The following SLC28A3 variants were observed in gnomAD, a reference collection of about 807,000 sequenced individuals.
SLC28A3 encodes concentrative Na(+)-nucleoside cotransporter 3.
Under a neutral mutation model 84.2 loss-of-function variants are expected in SLC28A3, and 68 were observed. That is an observed-to-expected ratio of 0.81 (90% confidence interval 0.66 to 0.99). The LOEUF (loss-of-function observed/expected upper bound fraction) is 0.99, where lower values mean the gene tolerates loss of function less well. SLC28A3 is among the 50% of genes least tolerant of loss of function. The probability of loss-of-function intolerance (pLI) is 0.00; values close to 1 mark genes in which losing one functional copy is unlikely to be tolerated. For synonymous variants in SLC28A3, 267 were observed against 303.6 expected (o/e 0.88, Z 1.25); for missense variants, 712 against 841.5 (o/e 0.85, Z 1.90).
At chr9:84,313,904 A>C (rs552346562) in intron 1 of SLC28A3, among the ~76,000 whole-genome samples, 20 of 140,982 alleles carry the variant, frequency 1.4e-4, no homozygotes, top group Non-Finnish European at 2.1e-4. Context: ...AAAGTAAAGA[A>C]AAGAAACATA....
At chr9:84,281,563 G>GA (rs1824750395) in intron 14 of SLC28A3, among the ~76,000 whole-genome samples, 1 of 152,206 alleles carries the variant, frequency 6.6e-6, no homozygotes, top group African/African-American at 2.4e-5. Flanking sequence ...GTCTGTTTGT[G>GA]AAACAGTATG....
At chr9:84,339,175 G>A (rs566621517) in intron 1 of SLC28A3, among the ~76,000 whole-genome samples, 2 of 152,082 alleles carry the variant, frequency 1.3e-5, no homozygotes, top group East Asian at 3.9e-4. Context: ...TGTTTTAATG[G>A]TATATAAGCT....
chr9:84,320,040 G>GTT (rs1182939298), intron 1 of SLC28A3, among the ~76,000 whole-genome samples: 1,745 of 59,552 alleles, frequency 0.029, 456 homozygotes, highest in Non-Finnish European at 0.036. Flanking sequence ...GGCTTGCACT[G>GTT]TTTTTTTTTT....
chr9:84,330,138 A>G (rs557644028), intron 1 of SLC28A3, among the ~76,000 whole-genome samples: 1 of 152,210 alleles, frequency 6.6e-6, no homozygotes, highest in East Asian at 1.9e-4. Context: ...ATGAAACCAA[A>G]AGTTGGTTCT....
chr9:84,278,939 A>T (rs950921470), intron 17 of SLC28A3, among the ~76,000 whole-genome samples: 4 of 150,542 alleles, frequency 2.7e-5, no homozygotes, highest in African/African-American at 1.0e-4. Flanking sequence ...TAAGTGAGCT[A>T]ATTCATACAA....
intron 1 of SLC28A3, among the ~76,000 whole-genome samples, chr9:84,326,993 G>A (rs896729453): frequency 6.6e-6 from 1 of 152,084 alleles, no homozygotes; most frequent in Non-Finnish European, 1.5e-5. Context: ...GGGTGACAGA[G>A]CAAGATTCTG....
chr9:84,306,700 C>T (rs10868142), intron 3 of SLC28A3, among the ~76,000 whole-genome samples: 31,273 of 151,834 alleles, frequency 0.21, 3,429 homozygotes, highest in African/African-American at 0.29. Context: ...ATGAGCCATA[C>T]AGCACTATGA....
At chr9:84,331,150 G>A (rs1278863507) in intron 1 of SLC28A3, among the ~76,000 whole-genome samples, 1 of 152,132 alleles carries the variant, frequency 6.6e-6, no homozygotes, top group Admixed American at 6.5e-5. Context: ...AAGTCTAGGT[G>A]TGATCATGCA....
intron 1 of SLC28A3, among the ~76,000 whole-genome samples, chr9:84,324,762 G>A (rs933574471): frequency 2.0e-5 from 3 of 152,186 alleles, no homozygotes; most frequent in East Asian, 1.9e-4. Flanking sequence ...ATCTTCATAG[G>A]TTGTGCTGTT....
At chr9:84,345,236 G>T (rs1161655711), upstream of SLC28A3, among the ~76,000 whole-genome samples, 1 of 105,828 alleles carries the variant, frequency 9.4e-6, no homozygotes, top group Non-Finnish European at 1.8e-5. Context: ...GTTACCAAAG[G>T]CAAAAAAAAA....
chr9:84,288,890 T>A (rs1335019780), intron 11 of SLC28A3, among the ~76,000 whole-genome samples: 1 of 151,798 alleles, frequency 6.6e-6, no homozygotes, highest in Admixed American at 6.6e-5. Flanking sequence ...GGATGGGGAG[T>A]GGAGAAGGGA....
At chr9:84,302,536 C>T in intron 4 of SLC28A3, 147 bp from the exon 5 acceptor site, 1 of 718,394 alleles carries the variant, frequency 1.4e-6, no homozygotes. Flanking sequence ...TGGCTACTGG[C>T]TTCTTTGATG....
upstream of SLC28A3, among the ~76,000 whole-genome samples, chr9:84,342,858 A>G (rs1316118143): frequency 6.6e-6 from 1 of 152,176 alleles, no homozygotes; most frequent in Non-Finnish European, 1.5e-5. Context: ...TCAGGAACAA[A>G]ATTCCTTTAA....
At chr9:84,342,280 ATTTACT>A (rs1199841470), upstream of SLC28A3, among the ~76,000 whole-genome samples, 5 of 150,838 alleles carry the variant, frequency 3.3e-5, no homozygotes, top group Admixed American at 2.0e-4. Flanking sequence ...AAAGAGAATG[ATTTACT>A]TTTATTATTG....
chr9:84,282,477 G>A (rs1824794441), intron 14 of SLC28A3, among the ~76,000 whole-genome samples: 1 of 152,198 alleles, frequency 6.6e-6, no homozygotes, highest in Admixed American at 6.5e-5. Context: ...CTTATAGTCT[G>A]GCCATGGTGT....
rs1326094567 is a variant in SLC28A3 at position 84,275,742 on chromosome 9, C to A, written c.*2476G>T. The A allele has an allele frequency of 6.6e-6, 1 of 152,168 alleles. No individual in the cohort carries two copies. Among genetic ancestry groups the A allele is most frequent in the Non-Finnish European group, 1.5e-5 (1 of 68,044 alleles). The allele number at this position is 152,168 out of a possible 1,614,324, so 9.4% of individuals were successfully genotyped here. ...ACAAGCTCAAGAGGCTTAACCAGCT[C>A]ATTTTCCTGGTCCTTGGCCTTTACT... On this transcript the variant is annotated 3_prime_UTR_variant, in exon 18 of 18. Transcript: ENST00000376238.
intron 1 of SLC28A3, among the ~76,000 whole-genome samples, chr9:84,324,305 A>C (rs1376731160): frequency 2.6e-5 from 4 of 152,202 alleles, no homozygotes; most frequent in Non-Finnish European, 5.9e-5. Flanking sequence ...CGAACAATGG[A>C]GTTTGGCAGA....
intron 1 of SLC28A3, among the ~76,000 whole-genome samples, chr9:84,323,370 C>T (rs1826441483): frequency 6.6e-6 from 1 of 151,992 alleles, no homozygotes; most frequent in Non-Finnish European, 1.5e-5. Flanking sequence ...CTGACTAAAG[C>T]CTCAACTCTT....
the SLC28A3 span, among the ~76,000 whole-genome samples, chr9:84,348,890 T>G: frequency 3.9e-5 from 6 of 152,000 alleles, no homozygotes; most frequent in African/African-American, 1.5e-4. Context: ...TCTCCAGAAC[T>G]GTGAGCTAAA....
Sources: gnomAD v4.1 joint callset for allele counts (sites outside exome capture counted in the v4.1 genomes callset) on GRCh38, gnomAD v4.1.1 for gene constraint, MANE v1.5 for transcripts, NCBI Gene and HGNC (gene_info 2026-07-23, HGNC 2026-07-21) for gene names.